NEU1: variants seen among roughly 807,000 people sequenced by gnomAD.
The protein encoded by NEU1 is sialidase-1.
A neutral mutation model predicts 38.3 loss-of-function variants in NEU1; 32 were observed. The ratio of observed to expected loss-of-function variants is 0.84; its 90% CI spans 0.63 to 1.12. The LOEUF (loss-of-function observed/expected upper bound fraction) is 1.12, where lower values mean the gene tolerates loss of function less well. NEU1 is among the 50% of genes most tolerant of loss of function. The pLI is 0.00. For missense variants in NEU1, 431 were observed against 549.2 expected, an observed-to-expected ratio of 0.78 and a Z score of 2.15; for synonymous variants, 192 against 225.2, an observed-to-expected ratio of 0.85 and a Z score of 1.32.
chr6:31,861,814 A>G (rs1405515400), intron 2 of NEU1, 185 bp downstream of exon 2: 3 of 720,878 alleles, frequency 4.2e-6, no homozygotes, highest in African/African-American at 3.5e-5. Context: ...GTGAATGTCC[A>G]ACTCCTTGGT....
At position 31,861,379 on chromosome 6, in the gene NEU1, C is replaced by T. The variant is rs1164633477; in HGVS notation, c.424G>A (p.Val142Ile). 6.2e-7 allele frequency: 1 copy of T among 1,612,906 alleles called. No homozygotes were observed. Among genetic ancestry groups the T allele is most frequent in the African/African-American group, 1.3e-5 (1 of 74,938 alleles). ...ACTCCTGTCTCAACATCGCTCACTA[C>T]TGCCCCAAGGTTCAGCCCATCGGGG... ...DVPDGLNLGA[V>I]VSDVETGVVF... Residue 142 changes from valine to isoleucine, a missense_variant, in exon 3 of 6, where the codon GTA (valine) becomes ATA (isoleucine). Val to Ile is a conservative substitution (Grantham distance 29). Coordinates refer to ENST00000375631, the MANE Select transcript of NEU1 (RefSeq NM_000434.4).
rs548301893 is a variant in NEU1 at position 31,859,635 on chromosome 6, G to C, written c.*84C>G. On this transcript the variant is annotated 3_prime_UTR_variant, in exon 6 of 6. Coordinates refer to ENST00000375631, the MANE Select transcript of NEU1 (RefSeq NM_000434.4). Reference sequence around the variant, plus strand: ...TAAAGGAAGATGGAACTGTCTTTCAGGCGTCTCCAGCAGACCCTCTACAGA... The same window carrying C: ...TAAAGGAAGATGGAACTGTCTTTCACGCGTCTCCAGCAGACCCTCTACAGA... 1.9e-5 allele frequency: 25 copies of C among 1,343,822 alleles called. No individual in the cohort carries two copies. The highest frequency in any genetic ancestry group is 1.2e-4 in the Admixed American group (7 of 57,794). The allele number at this position is 1,343,822 out of a possible 1,614,324, so 83.2% of individuals were successfully genotyped here.
chr6:31,861,429 G>A lies in NEU1; in HGVS notation c.374C>T (p.Ala125Val). The change falls in exon 3 of 6, where the codon GCG (alanine) becomes GTG (valine). Residue 125 changes from alanine to valine, a missense_variant. Coordinates refer to ENST00000375631, the MANE Select transcript of NEU1 (RefSeq NM_000434.4). The part of the protein sequence containing the change: ...MDQGSTWSPT[A>V]FIVNDGDVPD... ...GACATCCCCATCATTGACAATGAACGCTGTAGGAGACCATGTGCTGCCTGA... is the reference window on the plus strand; with the variant it reads ...GACATCCCCATCATTGACAATGAACACTGTAGGAGACCATGTGCTGCCTGA... The A allele has an allele frequency of 1.2e-6, 2 of 1,612,900 alleles. No individual in the cohort carries two copies. The highest frequency in any genetic ancestry group is 1.1e-5 in the South Asian group (1 of 91,076).
At position 31,860,952 on chromosome 6, in the gene NEU1, G is replaced by A. The variant is rs772785055; in HGVS notation, c.615+236C>T. On this transcript the variant is annotated intron_variant, in intron 3 of 5. Coordinates refer to ENST00000375631, the MANE Select transcript of NEU1 (RefSeq NM_000434.4). The surrounding 1 kb of genome is among the most constrained non-coding windows in gnomAD (Gnocchi z 4.8). ...CAGTGCCTTTTTCTACTTTGCATGA[G>A]GGTATTGCATGGACTAACGCAGTCC... 6.4e-6 allele frequency: 4 copies of A among 627,744 alleles called. No homozygotes were observed. Among genetic ancestry groups the A allele is most frequent in the Non-Finnish European group, 1.1e-5 (4 of 361,894 alleles). 38.9% of individuals were successfully genotyped at this position (627,744 alleles called of 1,614,324 possible). A position where few individuals can be genotyped will look rare whatever the true frequency, so the allele number is the denominator to read the frequency against.
intron 5 of NEU1, 29 bp from the exon 6 acceptor site, chr6:31,859,974 AG>A: frequency 6.2e-7 from 1 of 1,612,522 alleles, no homozygotes; most frequent in Non-Finnish European, 8.5e-7. Flanking sequence ...TCAGGGAGAG[AG>A]GGTCTCTGCC....
Position 31,859,550 on chromosome 6 carries a change from C to T in NEU1, c.*169G>A. 1.4e-6 allele frequency: 1 copy of T among 727,496 alleles called. No homozygotes were observed. Among genetic ancestry groups the T allele is most frequent in the South Asian group, 1.5e-5 (1 of 66,558 alleles). The allele number at this position is 727,496 out of a possible 1,614,324, so 45.1% of individuals were successfully genotyped here. A position where few individuals can be genotyped will look rare whatever the true frequency, so the allele number is the denominator to read the frequency against. ...TTTGTGGGAGAGGACGCCTAGCTTT[C>T]AGTCCTAAAGGAAGTGATTTCCCTG... On this transcript the variant is annotated 3_prime_UTR_variant, in exon 6 of 6. Coordinates refer to ENST00000375631, the MANE Select transcript of NEU1 (RefSeq NM_000434.4).
chr6:31,862,259 G>T lies in NEU1; in HGVS notation c.160-68C>A, dbSNP rs1554253065. ...TGGGGGTTTTAGGAACCCACGTTCCGATGGGAGAGGGAGGATCTAATGGGG... is the reference window on the plus strand; with the variant it reads ...TGGGGGTTTTAGGAACCCACGTTCCTATGGGAGAGGGAGGATCTAATGGGG... On this transcript the variant is annotated intron_variant, in intron 1 of 5. Coordinates refer to ENST00000375631, the MANE Select transcript of NEU1 (RefSeq NM_000434.4). This position sits in a 1 kb window ranked among gnomAD's most constrained non-coding sequence, Gnocchi z 6.3. 6.5e-7 allele frequency: 1 copy of T among 1,535,890 alleles called. No homozygotes were observed. The highest frequency in any genetic ancestry group is 1.1e-5 in the South Asian group (1 of 87,666).
At chr6:31,861,850 T>C in intron 2 of NEU1, 149 bp downstream of exon 2, 1 of 871,920 alleles carries the variant, frequency 1.1e-6, no homozygotes, top group East Asian at 2.4e-5. Flanking sequence ...ATCACTGTCC[T>C]AGACACTTGC....
At position 31,860,528 on chromosome 6, in the gene NEU1, C is replaced by G; in HGVS notation, c.709G>C (p.Gly237Arg). Reference protein sequence around the residue: ...GVFCLLSDDHGASWRYGSGVS... With the variant: ...GVFCLLSDDHRASWRYGSGVS... ...CCACTTCCGTAGCGCCAGGAGGCAC[C>G]ATGATCATCGCTGAGGAGACAGAAG... The change falls in exon 4 of 6, where the codon GGT becomes CGT. Residue 237 changes from glycine (G) to arginine (R), a missense_variant. Transcript: ENST00000375631. This position sits in a 1 kb window ranked among gnomAD's most constrained non-coding sequence, Gnocchi z 4.8. The G allele has an allele frequency of 6.2e-7, 1 of 1,614,076 alleles. No individual in the cohort carries two copies. Among genetic ancestry groups the G allele is most frequent in the Non-Finnish European group, 8.5e-7 (1 of 1,180,014 alleles).
chr6:31,859,664 G>A lies in NEU1; in HGVS notation c.*55C>T, dbSNP rs551854225. ...TCTCCAGCAGACCCTCTACAGACCC[G>A]TGTTCCTGAAGGCAGAGTCCTGAAG... is the stretch of plus-strand genomic sequence containing the variant. On this transcript the variant is annotated 3_prime_UTR_variant, in exon 6 of 6. Transcript: ENST00000375631. 30 of 1,558,580 alleles carry A rather than the reference G, an allele frequency of 1.9e-5. No homozygotes were observed. The highest frequency in any genetic ancestry group is 1.2e-4 in the Admixed American group (7 of 59,902).
In NEU1 at chr6:31,860,596, C is replaced by T. The variant is rs570314472; in HGVS notation, c.641G>A (p.Arg214His). The change falls in exon 4 of 6, where the codon CGC becomes CAC. Residue 214 changes from arginine (R) to histidine (H), a missense_variant. Arg to His is a conservative substitution (Grantham distance 29, BLOSUM62 0). Coordinates refer to ENST00000375631, the MANE Select transcript of NEU1 (RefSeq NM_000434.4). The surrounding 1 kb of genome is among the most constrained non-coding windows in gnomAD (Gnocchi z 4.8). The stretch of plus-strand genomic sequence containing the variant: ...CGTCCCATGGCCACACACGATGAGG[C>T]GGCCCTTCCGTGGCTCCCGCTGTTT... ...IQKQREPRKG[R>H]LIVCGHGTLE... The T allele has an allele frequency of 1.1e-5, 17 of 1,613,894 alleles. No individual in the cohort carries two copies. The African/African-American group carries it at 1.2e-4, about 11-fold the overall frequency.
intron 2 of NEU1, 199 bp downstream of exon 2, chr6:31,861,800 C>A: frequency 1.5e-6 from 1 of 681,854 alleles, no homozygotes; most frequent in South Asian, 1.7e-5. Context: ...TAAATGTTTG[C>A]TAAGTGAATG....
Position 31,862,666 on chromosome 6 carries a change from C to T in NEU1, c.111G>A (p.Leu37=). 1.2e-6 allele frequency: 2 copies of T among 1,613,074 alleles called. No individual in the cohort carries two copies. Among genetic ancestry groups the T allele is most frequent in the Non-Finnish European group, 1.7e-6 (2 of 1,180,024 alleles). The change falls in exon 1 of 6, where the codon CTG becomes CTA. Residue 37 remains leucine, a synonymous_variant. Coordinates refer to ENST00000375631, the MANE Select transcript of NEU1 (RefSeq NM_000434.4). The surrounding 1 kb of genome is among the most constrained non-coding windows in gnomAD (Gnocchi z 6.3). ...TGGACCAGGAGGCTGCCAGAGACAG[C>T]AGCAGGAAGATCGCGGCAAACACCC... ...RVWVFAAIFL[L]LSLAASWSKA...
Position 31,860,530 on chromosome 6 carries a change from T to C in NEU1, c.707A>G (p.His236Arg). ...ACTTCCGTAGCGCCAGGAGGCACCA[T>C]GATCATCGCTGAGGAGACAGAAGAC... is the stretch of plus-strand genomic sequence containing the variant. ...DGVFCLLSDD[H>R]GASWRYGSGV... Residue 236 changes from histidine (H) to arginine (R), a missense_variant, in exon 4 of 6, where the codon CAT (histidine) becomes CGT (arginine). His to Arg is a conservative substitution (Grantham distance 29, BLOSUM62 0). Coordinates refer to ENST00000375631, the MANE Select transcript of NEU1 (RefSeq NM_000434.4). The surrounding 1 kb of genome is among the most constrained non-coding windows in gnomAD (Gnocchi z 4.8). 1 of 1,614,042 alleles carries C rather than the reference T, an allele frequency of 6.2e-7. No homozygotes were observed.
At position 31,862,497 on chromosome 6, in the gene NEU1, G is replaced by A. The variant is rs1762563004; in HGVS notation, c.159+121C>T. ...GCTGGGAGCGGTAGGAGGAAACGGGGTCTGGGAGAAAGAAAAGGGTCCTGT... is the reference window on the plus strand; with the variant it reads ...GCTGGGAGCGGTAGGAGGAAACGGGATCTGGGAGAAAGAAAAGGGTCCTGT... On this transcript the variant is annotated intron_variant, in intron 1 of 5. Coordinates refer to ENST00000375631, the MANE Select transcript of NEU1 (RefSeq NM_000434.4). This position sits in a 1 kb window ranked among gnomAD's most constrained non-coding sequence, Gnocchi z 6.3. 11 of 1,403,338 alleles carry A rather than the reference G, an allele frequency of 7.8e-6. 1 individual carries two copies. In the Admixed American group the frequency reaches 1.8e-4, roughly 23 times the overall value. The allele number at this position is 1,403,338 out of a possible 1,614,324, so 86.9% of individuals were successfully genotyped here. A position where few individuals can be genotyped will look rare whatever the true frequency, so the allele number is the denominator to read the frequency against.
Position 31,860,149 on chromosome 6 carries a change from C to T in NEU1, c.914G>A (p.Arg305His), listed in dbSNP as rs774362886. Residue 305 changes from arginine to histidine, a missense_variant, in exon 5 of 6, where the codon CGT becomes CAT. By Grantham distance (29) the Arg-to-His change is conservative. Coordinates refer to ENST00000375631, the MANE Select transcript of NEU1 (RefSeq NM_000434.4). This position sits in a 1 kb window ranked among gnomAD's most constrained non-coding sequence, Gnocchi z 4.8. The part of the protein sequence containing the change: ...SYDACDTLRP[R>H]DVTFDPELVD... Reference sequence around the variant, plus strand: ...GAGCTCAGGGTCGAAGGTCACATCACGGGGCCTTAGTGTATCACAGGCATC... The same window carrying T: ...GAGCTCAGGGTCGAAGGTCACATCATGGGGCCTTAGTGTATCACAGGCATC... The T allele has an allele frequency of 1.2e-5, 19 of 1,612,886 alleles. No homozygotes were observed. Among genetic ancestry groups the T allele is most frequent in the Admixed American group, 6.7e-5 (4 of 59,998 alleles).
Position 31,860,315 on chromosome 6 carries a change from CCCCGAG to C in NEU1, c.799-57_799-52del. The C allele has an allele frequency of 6.2e-7, 1 of 1,601,936 alleles. No individual in the cohort carries two copies. Among genetic ancestry groups the C allele is most frequent in the Non-Finnish European group, 8.6e-7 (1 of 1,169,386 alleles). ...GGAGGGAACAGGGAAAATGCCCTGT[CCCCGAG>C]GGGAGCAAGGGTGTGTGGCACTGAG... On this transcript the variant is annotated intron_variant, in intron 4 of 5. Transcript: ENST00000375631. This position sits in a 1 kb window ranked among gnomAD's most constrained non-coding sequence, Gnocchi z 4.8.
At position 31,861,320 on chromosome 6, in the gene NEU1, C is replaced by G; in HGVS notation, c.483G>C (p.Lys161Asn). 1 of 1,613,038 alleles carries G rather than the reference C, an allele frequency of 6.2e-7. No individual in the cohort carries two copies. Among genetic ancestry groups the G allele is most frequent in the Non-Finnish European group, 8.5e-7 (1 of 1,180,032 alleles). The change falls in exon 3 of 6, where the codon AAG becomes AAC. Residue 161 changes from lysine (K) to asparagine (N), a missense_variant. By Grantham distance (94) the Lys-to-Asn change is moderately conservative (BLOSUM62 0). Coordinates refer to ENST00000375631, the MANE Select transcript of NEU1 (RefSeq NM_000434.4). ...TGGTAGAGGCCACCTGGCAGCCGGC[C>G]TTGTGAGCACAAAGGGAGTAGAAAA... ...VFLFYSLCAH[K>N]AGCQVASTML...
Position 31,860,956 on chromosome 6 carries a change from A to G in NEU1, c.615+232T>C. The G allele has an allele frequency of 1.6e-6, 1 of 629,790 alleles. No homozygotes were observed. The highest frequency in any genetic ancestry group is 2.7e-5 in the East Asian group (1 of 36,610). 39.0% of individuals were successfully genotyped at this position (629,790 alleles called of 1,614,324 possible). A position where few individuals can be genotyped will look rare whatever the true frequency, so the allele number is the denominator to read the frequency against. Reference sequence around the variant, plus strand: ...GCCTTTTTCTACTTTGCATGAGGGTATTGCATGGACTAACGCAGTCCTGTT... The same window carrying G: ...GCCTTTTTCTACTTTGCATGAGGGTGTTGCATGGACTAACGCAGTCCTGTT... On this transcript the variant is annotated intron_variant, in intron 3 of 5. Coordinates refer to ENST00000375631, the MANE Select transcript of NEU1 (RefSeq NM_000434.4). This position sits in a 1 kb window ranked among gnomAD's most constrained non-coding sequence, Gnocchi z 4.8.
Sources: gnomAD v4.1 joint callset for allele counts on GRCh38, gnomAD v4.1.1 for gene constraint, Gnocchi (gnomAD v3.1) non-coding constraint, MANE v1.5 for transcripts, NCBI Gene and HGNC (gene_info 2026-07-23, HGNC 2026-07-21) for gene names.